Variants in NCOA2 observed in about 807,000 individuals in gnomAD.
NCOA2 encodes the protein nuclear receptor coactivator 2.
NCOA2 carries 21 observed loss-of-function variants against 145.1 expected under a neutral mutation model. That is an observed-to-expected ratio of 0.14 (90% CI 0.10 to 0.21). The LOEUF is 0.21. Among genes scored for constraint, NCOA2 ranks in the 10% least tolerant of loss-of-function variants. The pLI is 1.00. For synonymous variants in NCOA2, 619 were observed against 637.5 expected, an observed-to-expected ratio of 0.97 and a Z score of 0.44; for missense variants, 1,472 against 1,837.6, an observed-to-expected ratio of 0.80 and a Z score of 3.64.
At chr8:70,259,916 G>A (rs1163153931) in intron 2 of NCOA2, among the ~76,000 whole-genome samples, 1 of 152,212 alleles carries the variant, frequency 6.6e-6, no homozygotes. Context: ...CAAATTCACT[G>A]TACTGAGTCC....
chr8:70,179,225 T>C (rs1419361858), intron 4 of NCOA2, among the ~76,000 whole-genome samples: 1 of 152,214 alleles, frequency 6.6e-6, no homozygotes, highest in Non-Finnish European at 1.5e-5. Flanking sequence ...ATTTGTGCTT[T>C]GACCATTTCT....
chr8:70,260,882 C>T, intron 2 of NCOA2, among the ~76,000 whole-genome samples: 1 of 152,114 alleles, frequency 6.6e-6, no homozygotes, highest in Non-Finnish European at 1.5e-5. Context: ...CAGAGAAATG[C>T]AAATCAAAAC....
intron 1 of NCOA2, among the ~76,000 whole-genome samples, chr8:70,329,344 C>A (rs1303231171): frequency 6.6e-6 from 1 of 152,146 alleles, no homozygotes; most frequent in Non-Finnish European, 1.5e-5. Context: ...CTCCTGGGCT[C>A]AAGCAATCGA....
intron 2 of NCOA2, among the ~76,000 whole-genome samples, chr8:70,286,649 G>A (rs1036628568): frequency 2.0e-5 from 3 of 152,184 alleles, no homozygotes; most frequent in East Asian, 3.9e-4. Context: ...AAAAGAAAAC[G>A]GCAGTTGTGA....
At chr8:70,413,744 C>A in the NCOA2 span, among the ~76,000 whole-genome samples, 1 of 152,174 alleles carries the variant, frequency 6.6e-6, no homozygotes, top group African/African-American at 2.4e-5. Flanking sequence ...TTTACAGAGT[C>A]AATCAATGTT....
At chr8:70,368,868 TCCCTGTGGGA>T (rs1262773630) in intron 1 of NCOA2, among the ~76,000 whole-genome samples, 2 of 152,204 alleles carry the variant, frequency 1.3e-5, no homozygotes, top group African/African-American at 4.8e-5. Context: ...ATTCTGTCAC[TCCCTGTGGGA>T]AAGTCTGGCT....
At chr8:70,309,868 C>T (rs1184153634) in intron 1 of NCOA2, among the ~76,000 whole-genome samples, 2 of 151,934 alleles carry the variant, frequency 1.3e-5, no homozygotes, top group African/African-American at 4.8e-5. Flanking sequence ...GCAGGAGGAT[C>T]GTTTGAGCCC....
intron 11 of NCOA2, among the ~76,000 whole-genome samples, chr8:70,151,835 T>C (rs1454131901): frequency 2.6e-5 from 4 of 152,228 alleles, no homozygotes; most frequent in Admixed American, 2.6e-4. Context: ...TTCAAGGAGA[T>C]AAAGTTCAGA....
Position 70,156,823 on chromosome 8 carries a change from A to G in NCOA2, c.1542T>C (p.His514=). The G allele has an allele frequency of 6.2e-7, 1 of 1,613,968 alleles. No individual in the cohort carries two copies. Among genetic ancestry groups the G allele is most frequent in the South Asian group, 1.1e-5 (1 of 91,076 alleles). The change falls in exon 11 of 23, where the codon CAT becomes CAC. Residue 514 remains histidine, a synonymous_variant. Transcript: ENST00000452400. The part of the protein sequence containing the change: ...PSQFSPAGSL[H]SPVGVCSSTG... ...TGCTGCTGCAAACTCCCACAGGGGA[A>G]TGCAAGCTTCCTGCAGGGGAAAACT...
chr8:70,196,817 G>C (rs951341435), intron 4 of NCOA2, among the ~76,000 whole-genome samples: 2 of 152,304 alleles, frequency 1.3e-5, no homozygotes, highest in Non-Finnish European at 1.5e-5. Flanking sequence ...CCATTCTCAG[G>C]TAGGTAATGG....
At chr8:70,428,898 A>G in the NCOA2 span, among the ~76,000 whole-genome samples, 1 of 151,862 alleles carries the variant, frequency 6.6e-6, no homozygotes, top group African/African-American at 2.4e-5. Context: ...AAAAGCTATC[A>G]CTTCATGTCA....
At chr8:70,205,145 A>G (rs904518975) in intron 4 of NCOA2, among the ~76,000 whole-genome samples, 4 of 152,228 alleles carry the variant, frequency 2.6e-5, no homozygotes, top group Non-Finnish European at 5.9e-5. Flanking sequence ...AAGATCAGAC[A>G]GTACCAGAGA....
chr8:70,305,850 A>G (rs1827849682), intron 1 of NCOA2, among the ~76,000 whole-genome samples: 1 of 152,216 alleles, frequency 6.6e-6, no homozygotes, highest in Admixed American at 6.5e-5. Flanking sequence ...AGACTAAGAG[A>G]AAAGCTTTGC....
intron 4 of NCOA2, among the ~76,000 whole-genome samples, chr8:70,207,307 G>A (rs1398785170): frequency 6.6e-6 from 1 of 152,178 alleles, no homozygotes; most frequent in African/African-American, 2.4e-5. Flanking sequence ...GGGTCTTGAA[G>A]TGAGAGCTCA....
intron 1 of NCOA2, among the ~76,000 whole-genome samples, chr8:70,357,744 A>C: frequency 6.6e-6 from 1 of 150,892 alleles, no homozygotes; most frequent in Non-Finnish European, 1.5e-5. Context: ...CTCCATCTCA[A>C]AAAAAAAGCG....
At chr8:70,274,256 A>G (rs1180401554) in intron 2 of NCOA2, among the ~76,000 whole-genome samples, 1 of 152,152 alleles carries the variant, frequency 6.6e-6, no homozygotes, top group Non-Finnish European at 1.5e-5. Context: ...CTAAAGCAAC[A>G]AGAAAAACTT....
At chr8:70,372,101 G>A (rs1191276645) in intron 1 of NCOA2, among the ~76,000 whole-genome samples, 1 of 152,104 alleles carries the variant, frequency 6.6e-6, no homozygotes, top group African/African-American at 2.4e-5. Flanking sequence ...GCTGGATACC[G>A]AGTTAATGAA....
chr8:70,341,334 C>A (rs928331525), intron 1 of NCOA2, among the ~76,000 whole-genome samples: 26 of 152,156 alleles, frequency 1.7e-4, no homozygotes, highest in African/African-American at 6.0e-4. Context: ...TTAGGATAAG[C>A]TATGACTGTG....
At chr8:70,226,717 T>C (rs1820684355) in intron 2 of NCOA2, among the ~76,000 whole-genome samples, 1 of 150,820 alleles carries the variant, frequency 6.6e-6, no homozygotes, top group East Asian at 1.9e-4. Context: ...CTTATATTTA[T>C]CCTAAGTTCT....
Sources: gnomAD v4.1 joint callset for allele counts (sites outside exome capture counted in the v4.1 genomes callset) on GRCh38, gnomAD v4.1.1 for gene constraint, MANE v1.5 for transcripts, NCBI Gene and HGNC (gene_info 2026-07-23, HGNC 2026-07-21) for gene names.